The following CNTNAP4 variants were observed in gnomAD, a reference collection of about 807,000 sequenced individuals.
CNTNAP4 encodes contactin associated protein family member 4.
In CNTNAP4, 98 loss-of-function variants were observed where a neutral mutation model predicts 148.4. That is an observed-to-expected ratio of 0.66 (90% CI 0.56 to 0.78). The LOEUF (loss-of-function observed/expected upper bound fraction) is 0.78, where lower values mean the gene tolerates loss of function less well. CNTNAP4 is among the 30% of genes least tolerant of loss of function. The pLI is 0.00. For synonymous variants in CNTNAP4, 730 were observed against 565.1 expected (o/e 1.29, Z -4.14); for missense variants, 1,935 against 1,565.6 (o/e 1.24, Z -3.98).
At chr16:76,525,684 CATATT>C (rs1433609279) in intron 17 of CNTNAP4, among the ~76,000 whole-genome samples, 46 of 143,512 alleles carry the variant, frequency 3.2e-4, no homozygotes, top group South Asian at 1.1e-3. Flanking sequence ...TATATATAAA[CATATT>C]ATAAACTAAT....
At chr16:76,358,554 A>C (rs1182489998) in intron 3 of CNTNAP4, among the ~76,000 whole-genome samples, 2 of 152,194 alleles carry the variant, frequency 1.3e-5, no homozygotes, top group Non-Finnish European at 2.9e-5. Flanking sequence ...TGGAAGGATT[A>C]AGGAGGCTAT....
chr16:76,336,811 AAAG>A (rs1253596651), intron 2 of CNTNAP4, among the ~76,000 whole-genome samples: 2 of 152,330 alleles, frequency 1.3e-5, no homozygotes, highest in East Asian at 3.9e-4. Context: ...TTTTTTGCTT[AAAG>A]AAGGACATTT....
chr16:76,396,016 A>G (rs2078191388), intron 3 of CNTNAP4, among the ~76,000 whole-genome samples: 1 of 152,206 alleles, frequency 6.6e-6, no homozygotes. Flanking sequence ...GGCATGAGCC[A>G]CTGTGTCTAG....
At chr16:76,431,182 G>A (rs1193131669) in intron 4 of CNTNAP4, among the ~76,000 whole-genome samples, 1 of 152,074 alleles carries the variant, frequency 6.6e-6, no homozygotes, top group Non-Finnish European at 1.5e-5. Flanking sequence ...CTGAAAGGAT[G>A]GTCCAAATAG....
intron 8 of CNTNAP4, among the ~76,000 whole-genome samples, chr16:76,452,989 TG>T (rs1269746152): frequency 6.6e-6 from 1 of 152,234 alleles, no homozygotes; most frequent in Non-Finnish European, 1.5e-5. Context: ...ATGATAGTTT[TG>T]GGGAACTGAA....
At chr16:76,394,903 T>TA (rs1318701292) in intron 3 of CNTNAP4, among the ~76,000 whole-genome samples, 3 of 152,176 alleles carry the variant, frequency 2.0e-5, no homozygotes, top group Non-Finnish European at 2.9e-5. Context: ...TAACAGGTCA[T>TA]AGGTCCTGTT....
intron 3 of CNTNAP4, among the ~76,000 whole-genome samples, chr16:76,393,211 A>T (rs889216173): frequency 1.1e-4 from 17 of 152,146 alleles, no homozygotes; most frequent in Admixed American, 6.5e-5. Context: ...GCCATCGATG[A>T]TGATTTTACT....
intron 9 of CNTNAP4, among the ~76,000 whole-genome samples, chr16:76,464,046 C>G (rs892506378): frequency 7.9e-5 from 12 of 152,296 alleles, no homozygotes; most frequent in African/African-American, 2.6e-4. Context: ...CCTGCAAAAT[C>G]CAGGCCACCC....
At chr16:76,382,087 AAGAG>A (rs1308715792) in intron 3 of CNTNAP4, among the ~76,000 whole-genome samples, 2 of 150,342 alleles carry the variant, frequency 1.3e-5, no homozygotes, top group Non-Finnish European at 3.0e-5. Flanking sequence ...AAAAAAAAAA[AAGAG>A]AAAGTTACCT....
chr16:76,350,173 T>A lies in CNTNAP4; in HGVS notation c.197-5145T>A, dbSNP rs11149892. On this transcript the variant is annotated intron_variant, in intron 2 of 23. Transcript: ENST00000611870. ...TTGGGATAAAATATACTACTATGAG[T>A]CAAAGATAGTTGTAATTACTCCAGG... is the stretch of plus-strand genomic sequence containing the variant. 7.9e-5 allele frequency among the ~76,000 whole-genome samples: 12 copies of A among 151,826 alleles called. No homozygotes were observed. In the South Asian group the frequency reaches 2.1e-3, roughly 26 times the overall value.
chr16:76,483,054 TTGGA>T (rs71687116), intron 12 of CNTNAP4, among the ~76,000 whole-genome samples: 64,063 of 151,596 alleles, frequency 0.42, 13,487 homozygotes, highest in Admixed American at 0.44. Flanking sequence ...TTTTTCCAGC[TTGGA>T]TAGGTTGGAT....
intron 3 of CNTNAP4, among the ~76,000 whole-genome samples, chr16:76,416,661 A>G (rs2078994612): frequency 6.6e-6 from 1 of 151,428 alleles, no homozygotes; most frequent in Non-Finnish European, 1.5e-5. Context: ...GACCGATAAT[A>G]CATGGTGAAT....
intron 21 of CNTNAP4, among the ~76,000 whole-genome samples, chr16:76,544,059 T>G (rs1165684785): frequency 6.6e-6 from 1 of 152,184 alleles, no homozygotes; most frequent in Non-Finnish European, 1.5e-5. Context: ...GATAACAAAA[T>G]GTGCCTTTGT....
chr16:76,357,898 A>G (rs1040265344), intron 3 of CNTNAP4, among the ~76,000 whole-genome samples: 2 of 152,172 alleles, frequency 1.3e-5, no homozygotes, highest in African/African-American at 4.8e-5. Context: ...CATTTCTGGT[A>G]TCCAACATCC....
chr16:76,300,409 G>T (rs924961251), intron 1 of CNTNAP4, among the ~76,000 whole-genome samples: 7 of 152,052 alleles, frequency 4.6e-5, no homozygotes, highest in Non-Finnish European at 7.4e-5. Context: ...CGGGGTTGGG[G>T]TCTAGGGGAG....
intron 10 of CNTNAP4, among the ~76,000 whole-genome samples, chr16:76,473,838 AG>A (rs2081459536): frequency 1.2e-4 from 1 of 8,058 alleles, no homozygotes; most frequent in Non-Finnish European, 4.5e-4. Flanking sequence ...CAGGTTTTGT[AG>A]GTTTTTTTTT....
At chr16:76,355,585 CTTAAA>C (rs1237220308) in intron 3 of CNTNAP4, 74 bp downstream of exon 3, 3 of 1,127,924 alleles carry the variant, frequency 2.7e-6, no homozygotes, top group East Asian at 2.8e-5. Flanking sequence ...TTACCAATCT[CTTAAA>C]TTAAGTAGAC....
chr16:76,465,854 T>C (rs375651155), intron 9 of CNTNAP4, among the ~76,000 whole-genome samples: 1 of 152,350 alleles, frequency 6.6e-6, no homozygotes, highest in South Asian at 2.1e-4. Flanking sequence ...AATGTTTCGG[T>C]GTGTCTGATA....
chr16:76,549,078 C>T (rs1209890202), intron 21 of CNTNAP4, among the ~76,000 whole-genome samples: 1 of 152,012 alleles, frequency 6.6e-6, no homozygotes, highest in Admixed American at 6.6e-5. Flanking sequence ...GCAGGGGGAT[C>T]CTGGAGGGAA....
Sources: gnomAD v4.1 joint callset for allele counts (sites outside exome capture counted in the v4.1 genomes callset) on GRCh38, gnomAD v4.1.1 for gene constraint, MANE v1.5 for transcripts, NCBI Gene and HGNC (gene_info 2026-07-23, HGNC 2026-07-21) for gene names.